NOTCH2NLB: variants seen among roughly 807,000 people sequenced by gnomAD.
NOTCH2NLB encodes notch homolog 2 N-terminal-like protein B.
A neutral mutation model predicts 14.8 loss-of-function variants in NOTCH2NLB; 1 was observed. The ratio of observed to expected loss-of-function variants is 0.07; its 90% CI spans 0.02 to 0.32. The LOEUF (loss-of-function observed/expected upper bound fraction) is 0.32. Among genes scored for constraint, NOTCH2NLB ranks in the 10% least tolerant of loss-of-function variants. The pLI, the probability that NOTCH2NLB is intolerant of heterozygous loss-of-function variation, is 1.00. For missense variants in NOTCH2NLB, 11 were observed against 155.0 expected, an observed-to-expected ratio of 0.07 and a Z score of 4.93; for synonymous variants, 6 against 57.5, an observed-to-expected ratio of 0.10 and a Z score of 4.05.
In NOTCH2NLB at chr1:148,638,253, AC is replaced by A. The variant is rs1442469821; in HGVS notation, c.77+1762del. On this transcript the variant is annotated intron_variant, in intron 2 of 4. Coordinates refer to ENST00000593495, the Ensembl canonical transcript of NOTCH2NLB. ...ATGTGCATGACGGTATCTACTTAGC[AC>A]CTTTTAGTTTAAGAAACACATTGCT... 3.6e-3 allele frequency among the ~76,000 whole-genome samples: 542 copies of A among 149,188 alleles called. 48 individuals carry two copies. Among genetic ancestry groups the A allele is most frequent in the African/African-American group, 0.013 (505 of 39,998 alleles).
intron 1 of NOTCH2NLB, among the ~76,000 whole-genome samples, chr1:148,645,731 C>A (rs1296463719): frequency 1.3e-5 from 2 of 150,648 alleles, no homozygotes; most frequent in East Asian, 1.9e-4. Context: ...CAGAAAGCTT[C>A]CCCTGGAGGG....
At chr1:148,694,674 T>C in the NOTCH2NLB span, among the ~76,000 whole-genome samples, 3 of 86,488 alleles carry the variant, frequency 3.5e-5, no homozygotes, top group East Asian at 2.2e-3. Context: ...TTTCACCATG[T>C]TAGCCAGGAT....
At chr1:148,659,061 ATATTAT>A (rs1446629943) in intron 1 of NOTCH2NLB, among the ~76,000 whole-genome samples, 1 of 137,592 alleles carries the variant, frequency 7.3e-6, no homozygotes, top group Admixed American at 7.4e-5. Context: ...AATAACATCA[ATATTAT>A]TATTATTAAA....
chr1:148,649,560 G>C (rs1315518846), intron 1 of NOTCH2NLB, among the ~76,000 whole-genome samples: 1 of 144,996 alleles, frequency 6.9e-6, no homozygotes, highest in Non-Finnish European at 1.5e-5. Context: ...ACCCAGGCTG[G>C]AGTGCAGTGG....
intron 1 of NOTCH2NLB, among the ~76,000 whole-genome samples, chr1:148,660,513 T>C (rs1453761887): frequency 2.0e-5 from 3 of 147,522 alleles, no homozygotes; most frequent in Non-Finnish European, 3.0e-5. Context: ...TGGAGTCATG[T>C]GACTCTGCAT....
At chr1:148,604,943 C>T (rs1193727699), downstream of NOTCH2NLB, among the ~76,000 whole-genome samples, 1,259 of 110,730 alleles carry the variant, frequency 0.011, 7 homozygotes, top group African/African-American at 0.037. Context: ...ATCTGCACAA[C>T]GCCATATACA....
intron 1 of NOTCH2NLB, among the ~76,000 whole-genome samples, chr1:148,651,176 T>TAC (rs1664504148): frequency 7.7e-6 from 1 of 129,886 alleles, no homozygotes; most frequent in African/African-American, 2.8e-5. Context: ...TATATATATA[T>TAC]ATATATATAT....
chr1:148,601,160 G>A, the NOTCH2NLB span, among the ~76,000 whole-genome samples: 3 of 150,458 alleles, frequency 2.0e-5, no homozygotes, highest in Non-Finnish European at 2.9e-5. Flanking sequence ...TGGGATCCCG[G>A]AGTTCCCTTT....
intron 2 of NOTCH2NLB, among the ~76,000 whole-genome samples, chr1:148,638,885 A>AG (rs1419106885): frequency 6.9e-6 from 1 of 145,086 alleles, no homozygotes; most frequent in Non-Finnish European, 1.5e-5. Flanking sequence ...AAAGCAAAGA[A>AG]GAACTACTCC....
intron 1 of NOTCH2NLB, among the ~76,000 whole-genome samples, chr1:148,670,249 A>T (rs1664729529): frequency 2.8e-5 from 3 of 107,800 alleles, no homozygotes; most frequent in African/African-American, 9.1e-5. Flanking sequence ...ATTTAAGACA[A>T]AAGACTAACA....
At position 148,657,369 on chromosome 1, in the gene NOTCH2NLB, A is replaced by AG. The variant is rs1433248950; in HGVS notation, c.4-17281dup. ...TTTCAGGTTTCACCGACATCCCTGA[A>AG]GGTTCCATAGCATATCTGCCATCAT... On this transcript the variant is annotated intron_variant, in intron 1 of 4. Transcript: ENST00000593495. Among the ~76,000 whole-genome samples, 29 of 86,072 alleles carry AG rather than the reference A, an allele frequency of 3.4e-4. 4 individuals carry two copies. Among genetic ancestry groups the AG allele is most frequent in the Non-Finnish European group, 7.5e-5 (3 of 40,008 alleles). The allele number at this position is 86,072 out of a possible 152,430, so 56.5% of individuals were successfully genotyped here.
chr1:148,670,539 A>AATATATATATATACATATATATATAT (rs1664750054), intron 1 of NOTCH2NLB, among the ~76,000 whole-genome samples: 2 of 93,464 alleles, frequency 2.1e-5, no homozygotes, highest in Non-Finnish European at 4.2e-5. Context: ...TAAAAAAAAA[A>AATATATATATATACATATATATATAT]ATATATATAT....
chr1:148,606,583 CTCA>C (rs1275482543), downstream of NOTCH2NLB, among the ~76,000 whole-genome samples: 128 of 141,716 alleles, frequency 9.0e-4, 5 homozygotes, highest in African/African-American at 3.6e-3. Flanking sequence ...TTTCAGCCTC[CTCA>C]TCATTTTTAT....
chr1:148,691,929 G>A, the NOTCH2NLB span, among the ~76,000 whole-genome samples: 1 of 77,884 alleles, frequency 1.3e-5, no homozygotes, highest in Non-Finnish European at 2.4e-5. Context: ...GCTTCCCAAG[G>A]CCCTCACCAG....
chr1:148,627,893 G>A (rs1664023064), intron 2 of NOTCH2NLB, among the ~76,000 whole-genome samples: 1 of 136,688 alleles, frequency 7.3e-6, no homozygotes. Flanking sequence ...GAAGGGCTCT[G>A]TGGAATCTTT....
the NOTCH2NLB span, among the ~76,000 whole-genome samples, chr1:148,685,829 CA>C: frequency 0.082 from 5,430 of 65,874 alleles, 13 homozygotes; most frequent in African/African-American, 0.12. Flanking sequence ...ACCCTGTCTC[CA>C]AAAAAAAAAA....
At chr1:148,645,883 T>A (rs1158560623) in intron 1 of NOTCH2NLB, among the ~76,000 whole-genome samples, 6 of 150,648 alleles carry the variant, frequency 4.0e-5, no homozygotes, top group African/African-American at 1.2e-4. Context: ...TTTCTGAGTA[T>A]TTGAAGCAAT....
chr1:148,638,528 A>T (rs1664268602), intron 2 of NOTCH2NLB, among the ~76,000 whole-genome samples: 1 of 149,128 alleles, frequency 6.7e-6, no homozygotes, highest in South Asian at 2.1e-4. Context: ...CTCCAGTTGT[A>T]TCTCCATTCT....
At chr1:148,627,387 C>T (rs1664001363) in intron 2 of NOTCH2NLB, among the ~76,000 whole-genome samples, 1 of 108,632 alleles carries the variant, frequency 9.2e-6, no homozygotes, top group Admixed American at 8.8e-5. Flanking sequence ...GTATCTTGTC[C>T]ATATTTAAAT....
Sources: gnomAD v4.1 joint callset for allele counts (sites outside exome capture counted in the v4.1 genomes callset) on GRCh38, gnomAD v4.1.1 for gene constraint, MANE v1.5 for transcripts, NCBI Gene and HGNC (gene_info 2026-07-23, HGNC 2026-07-21) for gene names.